The following ABTB3 variants were observed in gnomAD, a reference collection of about 807,000 sequenced individuals.
The protein encoded by ABTB3 is ankyrin repeat- and BTB/POZ domain-containing protein 3.
the ABTB3 span, among the ~76,000 whole-genome samples, chr12:107,606,353 G>C: frequency 6.6e-6 from 1 of 152,046 alleles, no homozygotes; most frequent in Non-Finnish European, 1.5e-5. Flanking sequence ...TCTTAGCTAC[G>C]GTAATTTTCT....
At chr12:107,421,373 C>A in the ABTB3 span, among the ~76,000 whole-genome samples, 1 of 152,142 alleles carries the variant, frequency 6.6e-6, no homozygotes, top group East Asian at 1.9e-4. Flanking sequence ...CTGGGACCTT[C>A]CACAGCTGAG....
At chr12:107,542,155 CA>C in the ABTB3 span, among the ~76,000 whole-genome samples, 1 of 151,658 alleles carries the variant, frequency 6.6e-6, no homozygotes, top group Admixed American at 6.6e-5. Context: ...ACTAAAAATA[CA>C]AAAAAATTAG....
chr12:107,569,061 A>G, the ABTB3 span, among the ~76,000 whole-genome samples: 1 of 152,228 alleles, frequency 6.6e-6, no homozygotes, highest in Admixed American at 6.5e-5. Flanking sequence ...CAAGTGGTTT[A>G]TTACAAGGGA....
At chr12:107,464,364 A>T in the ABTB3 span, among the ~76,000 whole-genome samples, 1 of 151,868 alleles carries the variant, frequency 6.6e-6, no homozygotes, top group Non-Finnish European at 1.5e-5. Flanking sequence ...GGGCTGGAGT[A>T]TAGTGGTACA....
the ABTB3 span, among the ~76,000 whole-genome samples, chr12:107,332,208 G>C: frequency 5.4e-4 from 82 of 152,292 alleles, no homozygotes; most frequent in South Asian, 1.2e-3. Flanking sequence ...CATGGGAGTT[G>C]GAAATAATGA....
chr12:107,489,920 CCAAACAAA>C, the ABTB3 span, among the ~76,000 whole-genome samples: 5 of 150,904 alleles, frequency 3.3e-5, no homozygotes, highest in African/African-American at 9.8e-5. Flanking sequence ...CCATGCATGG[CCAAACAAA>C]CAAACAAACA....
the ABTB3 span, among the ~76,000 whole-genome samples, chr12:107,420,629 A>G: frequency 1.3e-5 from 2 of 152,274 alleles, no homozygotes; most frequent in East Asian, 3.9e-4. Context: ...CAGCCAAACC[A>G]CATCATTTGG....
chr12:107,377,292 C>G, the ABTB3 span, among the ~76,000 whole-genome samples: 2 of 152,190 alleles, frequency 1.3e-5, no homozygotes, highest in African/African-American at 4.8e-5. Context: ...GGCCTGAGGC[C>G]TCTGTTGAGA....
the ABTB3 span, among the ~76,000 whole-genome samples, chr12:107,550,500 A>G: frequency 6.6e-6 from 1 of 151,438 alleles, no homozygotes; most frequent in East Asian, 1.9e-4. Flanking sequence ...AAGCTAAAAA[A>G]AAAAAAAAAT....
chr12:107,345,524 T>A, the ABTB3 span, among the ~76,000 whole-genome samples: 28 of 151,764 alleles, frequency 1.8e-4, no homozygotes, highest in Non-Finnish European at 4.1e-4. Flanking sequence ...TATTGGTTCA[T>A]GTACAAGAGA....
At chr12:107,610,363 G>GTCCGAGGGTCTGAACAGGC in the ABTB3 span, 1 of 1,613,714 alleles carries the variant, frequency 6.2e-7, no homozygotes, top group Non-Finnish European at 8.5e-7. Context: ...CAGGTACAGG[G>GTCCGAGGGTCTGAACAGGC]TCCGAGGGTC....
the ABTB3 span, among the ~76,000 whole-genome samples, chr12:107,643,522 GCATACTCCAGA>G: frequency 6.6e-6 from 1 of 151,868 alleles, no homozygotes; most frequent in African/African-American, 2.4e-5. Flanking sequence ...TGGGGAGTTG[GCATACTCCAGA>G]CATCCAAGTG....
the ABTB3 span, among the ~76,000 whole-genome samples, chr12:107,436,988 C>T: frequency 6.6e-6 from 1 of 151,954 alleles, no homozygotes; most frequent in Admixed American, 6.6e-5. Flanking sequence ...TGCTTGAGTG[C>T]CCAGTCATGC....
At chr12:107,586,160 G>A in the ABTB3 span, among the ~76,000 whole-genome samples, 1 of 152,168 alleles carries the variant, frequency 6.6e-6, no homozygotes, top group South Asian at 2.1e-4. Flanking sequence ...GGCAGGGACA[G>A]GGTCATGCTC....
At chr12:107,491,103 G>A in the ABTB3 span, among the ~76,000 whole-genome samples, 2 of 151,850 alleles carry the variant, frequency 1.3e-5, no homozygotes, top group Non-Finnish European at 2.9e-5. Context: ...CTCTGTGGCT[G>A]AGGAATCAGC....
chr12:107,551,695 A>C, the ABTB3 span, among the ~76,000 whole-genome samples: 2 of 152,186 alleles, frequency 1.3e-5, no homozygotes, highest in Non-Finnish European at 2.9e-5. Context: ...AGAAAGCTGA[A>C]AATAGTATTT....
the ABTB3 span, among the ~76,000 whole-genome samples, chr12:107,481,091 A>G: frequency 6.6e-6 from 1 of 152,322 alleles, no homozygotes; most frequent in African/African-American, 2.4e-5. Flanking sequence ...GGTTGTCACA[A>G]CTGGGGACAG....
At chr12:107,639,051 A>C in the ABTB3 span, among the ~76,000 whole-genome samples, 1 of 152,156 alleles carries the variant, frequency 6.6e-6, no homozygotes, top group African/African-American at 2.4e-5. Flanking sequence ...AGGCTTACTG[A>C]CCAAGGGTGT....
chr12:107,527,386 C>T, the ABTB3 span, among the ~76,000 whole-genome samples: 12 of 152,282 alleles, frequency 7.9e-5, no homozygotes, highest in African/African-American at 2.9e-4. Context: ...ATTCTTGTGC[C>T]TCAGCCTCCC....
Sources: gnomAD v4.1 joint callset for allele counts (sites outside exome capture counted in the v4.1 genomes callset) on GRCh38, gnomAD v4.1.1 for gene constraint, MANE v1.5 for transcripts, NCBI Gene and HGNC (gene_info 2026-07-23, HGNC 2026-07-21) for gene names.